SRGAP1: variants seen among roughly 807,000 people sequenced by gnomAD.
The protein encoded by SRGAP1 is SLIT-ROBO Rho GTPase-activating protein 1.
SRGAP1 carries 43 observed loss-of-function variants against 121.9 expected under a neutral mutation model. The observed-to-expected ratio is 0.35, with a 90% CI of 0.28 to 0.46. The LOEUF (loss-of-function observed/expected upper bound fraction) is 0.46. Ranked by LOEUF, SRGAP1 falls within the 20% of genes least tolerant of loss-of-function variation. The probability of loss-of-function intolerance (pLI) is 1.00; values close to 1 mark genes in which losing one functional copy is unlikely to be tolerated. For synonymous variants in SRGAP1, 447 were observed against 485.4 expected, an observed-to-expected ratio of 0.92 and a Z score of 1.04; for missense variants, 1,102 against 1,350.9, an observed-to-expected ratio of 0.82 and a Z score of 2.89.
At chr12:63,853,657 A>G (rs1899148181) in intron 1 of SRGAP1, among the ~76,000 whole-genome samples, 1 of 152,276 alleles carries the variant, frequency 6.6e-6, no homozygotes, top group South Asian at 2.1e-4. Flanking sequence ...CATGAGGGAT[A>G]CACTGAGTTG....
chr12:64,110,338 A>G (rs2036412276), intron 16 of SRGAP1, among the ~76,000 whole-genome samples: 1 of 152,202 alleles, frequency 6.6e-6, no homozygotes, highest in Non-Finnish European at 1.5e-5. Context: ...GAAAGTTCTC[A>G]AAACCTGAAC....
chr12:64,041,358 AT>A (rs1555168795), intron 4 of SRGAP1, among the ~76,000 whole-genome samples: 41 of 138,016 alleles, frequency 3.0e-4, no homozygotes, highest in African/African-American at 1.1e-3. Context: ...ATGGCATTTT[AT>A]TTTATTTATT....
At chr12:63,937,253 G>A (rs2031694572) in intron 1 of SRGAP1, among the ~76,000 whole-genome samples, 1 of 152,162 alleles carries the variant, frequency 6.6e-6, no homozygotes, top group Non-Finnish European at 1.5e-5. Context: ...TTCTCATTTA[G>A]TAGGAAAAAC....
chr12:63,913,046 T>G (rs1026998371), intron 1 of SRGAP1, among the ~76,000 whole-genome samples: 14 of 152,078 alleles, frequency 9.2e-5, no homozygotes, highest in Non-Finnish European at 1.9e-4. Context: ...GTTTAGCTTA[T>G]AAGGCCCTCC....
intron 1 of SRGAP1, among the ~76,000 whole-genome samples, chr12:63,958,924 G>A (rs2032554754): frequency 6.6e-6 from 1 of 152,088 alleles, no homozygotes; most frequent in Non-Finnish European, 1.5e-5. Flanking sequence ...TATTGAAGTT[G>A]GGTAATTGCT....
chr12:64,112,759 G>A (rs1592333045), intron 17 of SRGAP1, among the ~76,000 whole-genome samples: 1 of 152,026 alleles, frequency 6.6e-6, no homozygotes, highest in Admixed American at 6.6e-5. Flanking sequence ...TAGCAGTGAA[G>A]GTCATTATGT....
At chr12:63,845,295 C>T (rs1413298093) in intron 1 of SRGAP1, among the ~76,000 whole-genome samples, 2 of 152,150 alleles carry the variant, frequency 1.3e-5, no homozygotes, top group Non-Finnish European at 2.9e-5. Context: ...TTTGTAAAGT[C>T]TGTGAACCCC....
At position 64,086,994 on chromosome 12, in the gene SRGAP1, T is replaced by G. The variant is rs1429431369; in HGVS notation, c.1409-5T>G. Reference sequence around the variant, plus strand: ...GTTTACTTACTTTAAATTTTTTTCCTGCAGGTCATAGAGCTGAATATATGA... The same window carrying G: ...GTTTACTTACTTTAAATTTTTTTCCGGCAGGTCATAGAGCTGAATATATGA... On this transcript the variant is annotated splice_region_variant and splice_polypyrimidine_tract_variant and intron_variant, in intron 10 of 21. Transcript: ENST00000355086. 6.3e-7 allele frequency: 1 copy of G among 1,595,936 alleles called. No homozygotes were observed. Among genetic ancestry groups the G allele is most frequent in the South Asian group, 1.1e-5 (1 of 88,378 alleles).
intron 1 of SRGAP1, among the ~76,000 whole-genome samples, chr12:63,908,697 T>G (rs1249715506): frequency 6.6e-6 from 1 of 152,084 alleles, no homozygotes; most frequent in Non-Finnish European, 1.5e-5. Context: ...GCTGTTAAAC[T>G]TCTTTTGTTA....
At chr12:63,892,264 T>A (rs948672077) in intron 1 of SRGAP1, among the ~76,000 whole-genome samples, 1 of 152,174 alleles carries the variant, frequency 6.6e-6, no homozygotes, top group African/African-American at 2.4e-5. Flanking sequence ...TGGTGCTTAC[T>A]GCCATATCTG....
chr12:63,914,674 G>A (rs1430297252), intron 1 of SRGAP1, among the ~76,000 whole-genome samples: 1 of 152,118 alleles, frequency 6.6e-6, no homozygotes, highest in Non-Finnish European at 1.5e-5. Context: ...TTGAATTTTG[G>A]TGTTTGTTTC....
At chr12:64,123,884 A>G (rs1339454672) in intron 18 of SRGAP1, among the ~76,000 whole-genome samples, 1 of 151,962 alleles carries the variant, frequency 6.6e-6, no homozygotes, top group African/African-American at 2.4e-5. Context: ...TGTGCAGATT[A>G]TAGTGTTGTG....
chr12:64,119,739 T>C (rs1232078501), intron 18 of SRGAP1, among the ~76,000 whole-genome samples: 2 of 150,844 alleles, frequency 1.3e-5, no homozygotes, highest in East Asian at 1.9e-4. Context: ...AGCAGATCCA[T>C]TGAATTTTTA....
chr12:63,976,516 C>T (rs958114208), intron 1 of SRGAP1, among the ~76,000 whole-genome samples: 2 of 152,180 alleles, frequency 1.3e-5, no homozygotes, highest in African/African-American at 4.8e-5. Context: ...GCCTCTGCTT[C>T]CTCACTGAGA....
chr12:64,000,494 T>C (rs552958327), intron 3 of SRGAP1, among the ~76,000 whole-genome samples: 46 of 152,088 alleles, frequency 3.0e-4, no homozygotes, highest in Non-Finnish European at 5.7e-4. Flanking sequence ...GCACCTCTAC[T>C]CCCAACTACT....
chr12:64,081,350 TA>T (rs1366968187), intron 10 of SRGAP1: 2 of 152,104 alleles, frequency 1.3e-5, no homozygotes, highest in Admixed American at 6.5e-5. Flanking sequence ...TCTATCACCT[TA>T]TCTCCTGGTT....
intron 3 of SRGAP1, among the ~76,000 whole-genome samples, chr12:63,992,885 C>G (rs2033593856): frequency 6.6e-6 from 1 of 152,166 alleles, no homozygotes; most frequent in South Asian, 2.1e-4. Flanking sequence ...GGGGAATGCT[C>G]TATGCTTCCT....
intron 8 of SRGAP1, among the ~76,000 whole-genome samples, chr12:64,065,710 G>A (rs781264210): frequency 6.6e-6 from 1 of 152,108 alleles, no homozygotes; most frequent in Non-Finnish European, 1.5e-5. Context: ...ATGGTGCCTG[G>A]CCCACAGTGT....
At chr12:64,067,391 C>CA (rs1269959478) in intron 8 of SRGAP1, among the ~76,000 whole-genome samples, 2 of 151,782 alleles carry the variant, frequency 1.3e-5, no homozygotes, top group African/African-American at 2.4e-5. Flanking sequence ...GCCTGGGTGA[C>CA]AGAGCAGGAC....
Sources: allele counts gnomAD v4.1 joint callset (sites outside exome capture counted in the v4.1 genomes callset), GRCh38; gene constraint gnomAD v4.1.1; transcripts MANE v1.5; gene names NCBI Gene and HGNC (gene_info 2026-07-23, HGNC 2026-07-21).